The following SPPL3 variants were observed in gnomAD, a reference collection of about 807,000 sequenced individuals.
SPPL3 encodes the protein signal peptide peptidase-like 3.
A neutral mutation model predicts 42.4 loss-of-function variants in SPPL3; 5 were observed. The ratio of observed to expected loss-of-function variants is 0.12; its 90% CI spans 0.06 to 0.25. SPPL3 has a LOEUF of 0.25. SPPL3 is among the 10% of genes least tolerant of loss of function. SPPL3 has a pLI of 1.00. For missense variants in SPPL3, 235 were observed against 489.0 expected, an observed-to-expected ratio of 0.48 and a Z score of 4.90; for synonymous variants, 195 against 181.8, an observed-to-expected ratio of 1.07 and a Z score of -0.58.
intron 1 of SPPL3, among the ~76,000 whole-genome samples, chr12:120,826,168 C>T (rs1193476294): frequency 6.6e-6 from 1 of 151,812 alleles, no homozygotes; most frequent in Non-Finnish European, 1.5e-5. Context: ...TGGCACATGT[C>T]TGTAATCCCC....
intron 6 of SPPL3, among the ~76,000 whole-genome samples, chr12:120,780,841 C>T (rs115008564): frequency 0.01 from 1,523 of 151,786 alleles, 38 homozygotes; most frequent in African/African-American, 0.035. Flanking sequence ...ATCCGGGAGA[C>T]GAAGGCTGCA....
intron 1 of SPPL3, 177 bp from the exon 2 acceptor site, chr12:120,811,063 TGAA>T: frequency 2.0e-6 from 1 of 492,942 alleles, no homozygotes; most frequent in South Asian, 3.3e-5. Context: ...TAGTTTAACA[TGAA>T]GAATAAATTG....
intron 6 of SPPL3, among the ~76,000 whole-genome samples, chr12:120,773,825 AACT>A (rs1274143685): frequency 1.3e-5 from 2 of 152,150 alleles, no homozygotes; most frequent in African/African-American, 2.4e-5. Flanking sequence ...GCTGGTCTTG[AACT>A]ACTAACTTCA....
intron 1 of SPPL3, among the ~76,000 whole-genome samples, chr12:120,847,765 C>A (rs1170976509): frequency 6.6e-6 from 1 of 152,008 alleles, no homozygotes; most frequent in African/African-American, 2.4e-5. Flanking sequence ...GCCTTTGAAT[C>A]TAGTAAAAAG....
At chr12:120,766,059 G>T (rs1319317359) in intron 10 of SPPL3, among the ~76,000 whole-genome samples, 1 of 151,544 alleles carries the variant, frequency 6.6e-6, no homozygotes, top group Non-Finnish European at 1.5e-5. Context: ...GTGGCTGCAC[G>T]AATCTGGAAG....
At chr12:120,890,636 T>C (rs193299782) in intron 1 of SPPL3, among the ~76,000 whole-genome samples, 1 of 151,410 alleles carries the variant, frequency 6.6e-6, no homozygotes, top group East Asian at 1.9e-4. Context: ...TCTTCACTTT[T>C]AATAAACTAT....
At chr12:120,847,192 G>A (rs763783794) in intron 1 of SPPL3, among the ~76,000 whole-genome samples, 5 of 152,128 alleles carry the variant, frequency 3.3e-5, no homozygotes, top group Non-Finnish European at 7.4e-5. Flanking sequence ...AGAAGAAAGG[G>A]AGATGTAACA....
intron 1 of SPPL3, among the ~76,000 whole-genome samples, chr12:120,900,306 T>A (rs1226717018): frequency 6.6e-6 from 1 of 150,474 alleles, no homozygotes. Flanking sequence ...AAAGTGCAAA[T>A]CTGTTTAAAA....
intron 2 of SPPL3, among the ~76,000 whole-genome samples, chr12:120,795,918 ATTC>A (rs1340261537): frequency 1.3e-5 from 2 of 152,262 alleles, no homozygotes; most frequent in Admixed American, 6.5e-5. Flanking sequence ...TAAAAAAATT[ATTC>A]TTTTCTGTAC....
At position 120,861,454 on chromosome 12, in the gene SPPL3, GA is replaced by G. The variant is rs1459754353; in HGVS notation, c.23+42390del. Among the ~76,000 whole-genome samples, 4 of 152,284 alleles carry G rather than the reference GA, an allele frequency of 2.6e-5. No individual in the cohort carries two copies. The South Asian group carries it at 8.3e-4, about 32-fold the overall frequency. On this transcript the variant is annotated intron_variant, in intron 1 of 10. Coordinates refer to ENST00000353487, the MANE Select transcript of SPPL3 (RefSeq NM_139015.5). ...AATAACAGGAAGGGAAAAAGAGTAA[GA>G]TTTTTTTTTATCAGTGTGGTCTATA...
At chr12:120,821,653 T>G (rs911284827) in intron 1 of SPPL3, among the ~76,000 whole-genome samples, 1 of 152,252 alleles carries the variant, frequency 6.6e-6, no homozygotes, top group Non-Finnish European at 1.5e-5. Flanking sequence ...AACATGCTGG[T>G]TGAAATTACT....
chr12:120,879,744 T>C (rs920873251), intron 1 of SPPL3, among the ~76,000 whole-genome samples: 1 of 152,086 alleles, frequency 6.6e-6, no homozygotes, highest in African/African-American at 2.4e-5. Context: ...CTTGGGTAAG[T>C]AATCAGTTTT....
intron 1 of SPPL3, among the ~76,000 whole-genome samples, chr12:120,880,127 G>C (rs914556204): frequency 1.4e-5 from 2 of 146,464 alleles, no homozygotes; most frequent in African/African-American, 2.5e-5. Flanking sequence ...AGGACAGGAT[G>C]AAAAAAAAAC....
At chr12:120,878,042 A>T (rs543390560) in intron 1 of SPPL3, among the ~76,000 whole-genome samples, 170 of 151,860 alleles carry the variant, frequency 1.1e-3, no homozygotes, top group Middle Eastern at 3.4e-3. Context: ...AAAATTAATT[A>T]AACAGGAAAA....
chr12:120,768,492 C>T lies in SPPL3; in HGVS notation c.610-4G>A, dbSNP rs1345746290. On this transcript the variant is annotated splice_region_variant and splice_polypyrimidine_tract_variant and intron_variant, in intron 7 of 10. Transcript: ENST00000353487. ...AGATGTAGGCTGAGAAAAATACCTG[C>T]CGAGTTGGAGAGATGCCTTTAACAG... 6.2e-7 allele frequency: 1 copy of T among 1,610,880 alleles called. No homozygotes were observed. Among genetic ancestry groups the T allele is most frequent in the Non-Finnish European group, 8.5e-7 (1 of 1,177,976 alleles).
intron 3 of SPPL3, among the ~76,000 whole-genome samples, chr12:120,785,678 T>C (rs1177742871): frequency 1.3e-5 from 2 of 151,514 alleles, no homozygotes; most frequent in Admixed American, 6.6e-5. Context: ...AATGAAATAA[T>C]AGAAGAAAAA....
At chr12:120,879,239 T>C (rs1873209263) in intron 1 of SPPL3, among the ~76,000 whole-genome samples, 5 of 151,948 alleles carry the variant, frequency 3.3e-5, no homozygotes. Context: ...GAAAAGCACA[T>C]TACTTTTGAG....
chr12:120,884,156 G>C (rs995128132), intron 1 of SPPL3, among the ~76,000 whole-genome samples: 6 of 151,400 alleles, frequency 4.0e-5, no homozygotes. Context: ...AAAAGCAAAG[G>C]GATGGTAAAC....
At chr12:120,841,023 A>G (rs895856248) in intron 1 of SPPL3, among the ~76,000 whole-genome samples, 2 of 151,984 alleles carry the variant, frequency 1.3e-5, no homozygotes, top group Non-Finnish European at 2.9e-5. Context: ...GTCCGTGAAA[A>G]ACTTACTAAA....
Sources: gnomAD v4.1 joint callset for allele counts (sites outside exome capture counted in the v4.1 genomes callset) on GRCh38, gnomAD v4.1.1 for gene constraint, MANE v1.5 for transcripts, NCBI Gene and HGNC (gene_info 2026-07-23, HGNC 2026-07-21) for gene names.